Variants in ENTREP1 observed in about 807,000 individuals in gnomAD.
ENTREP1 encodes Friedreich ataxia region gene X123.
chr9:69,328,141 C>T, the ENTREP1 span, among the ~76,000 whole-genome samples: 2 of 152,144 alleles, frequency 1.3e-5, no homozygotes, highest in Admixed American at 6.5e-5. Context: ...ATCTGCACCC[C>T]CTTCCTGGGC....
the ENTREP1 span, among the ~76,000 whole-genome samples, chr9:69,363,439 A>T: frequency 6.6e-6 from 1 of 152,354 alleles, no homozygotes; most frequent in Admixed American, 6.5e-5. Flanking sequence ...GTATCAGTCA[A>T]GCTCCCAGCA....
chr9:69,364,794 C>T, the ENTREP1 span, among the ~76,000 whole-genome samples: 3 of 152,056 alleles, frequency 2.0e-5, no homozygotes, highest in South Asian at 4.2e-4. Flanking sequence ...AGTCATATGC[C>T]GGAATAAAGT....
At chr9:69,330,289 A>G in the ENTREP1 span, among the ~76,000 whole-genome samples, 1 of 152,206 alleles carries the variant, frequency 6.6e-6, no homozygotes, top group Non-Finnish European at 1.5e-5. Flanking sequence ...CTTCAGAAAC[A>G]AAATTCCTAC....
chr9:69,329,871 A>C, the ENTREP1 span, among the ~76,000 whole-genome samples: 1 of 150,808 alleles, frequency 6.6e-6, no homozygotes, highest in South Asian at 2.1e-4. Context: ...TATGGGAGTT[A>C]ACTAGGTTCC....
At chr9:69,391,250 ACCCGTC>A in the ENTREP1 span, among the ~76,000 whole-genome samples, 1 of 152,166 alleles carries the variant, frequency 6.6e-6, no homozygotes, top group Non-Finnish European at 1.5e-5. Context: ...TTCTGACAAT[ACCCGTC>A]CCTCCCTGAC....
chr9:69,360,756 C>G, the ENTREP1 span, among the ~76,000 whole-genome samples: 1 of 152,152 alleles, frequency 6.6e-6, no homozygotes, highest in Non-Finnish European at 1.5e-5. Flanking sequence ...CTTAACCTCT[C>G]TTGAGATGGA....
the ENTREP1 span, among the ~76,000 whole-genome samples, chr9:69,356,664 C>A: frequency 6.6e-6 from 1 of 152,180 alleles, no homozygotes; most frequent in Non-Finnish European, 1.5e-5. Flanking sequence ...TTGTTTACAA[C>A]GAACTTTCTG....
the ENTREP1 span, among the ~76,000 whole-genome samples, chr9:69,346,262 C>T: frequency 8.6e-5 from 13 of 151,964 alleles, no homozygotes; most frequent in Non-Finnish European, 1.6e-4. Flanking sequence ...GGATTACAGG[C>T]GTGAGCCACT....
chr9:69,389,072 G>T, the ENTREP1 span, among the ~76,000 whole-genome samples: 6 of 152,260 alleles, frequency 3.9e-5, no homozygotes, highest in East Asian at 1.2e-3. Flanking sequence ...GTTGGACTAG[G>T]TAGTCTCTCT....
At chr9:69,361,630 A>G in the ENTREP1 span, among the ~76,000 whole-genome samples, 1 of 152,212 alleles carries the variant, frequency 6.6e-6, no homozygotes, top group Non-Finnish European at 1.5e-5. Flanking sequence ...TGCAAAGGTC[A>G]TAGAGTGGTA....
At chr9:69,340,595 A>ATGCGTGTGTGTGTG in the ENTREP1 span, among the ~76,000 whole-genome samples, 1 of 145,702 alleles carries the variant, frequency 6.9e-6, no homozygotes, top group Non-Finnish European at 1.5e-5. Flanking sequence ...GTATGTGTGC[A>ATGCGTGTGTGTGTG]TGCATGTGTG....
the ENTREP1 span, among the ~76,000 whole-genome samples, chr9:69,331,760 T>C: frequency 1.8e-4 from 27 of 152,354 alleles, no homozygotes; most frequent in African/African-American, 5.3e-4. Flanking sequence ...TCATTGACTC[T>C]TGCCATAACT....
the ENTREP1 span, among the ~76,000 whole-genome samples, chr9:69,348,547 A>G: frequency 6.6e-6 from 1 of 152,230 alleles, no homozygotes; most frequent in South Asian, 2.1e-4. Context: ...CAATTATGGA[A>G]TATTTTCATC....
chr9:69,371,524 T>G, the ENTREP1 span: 7 of 1,613,844 alleles, frequency 4.3e-6, no homozygotes, highest in South Asian at 7.7e-5. Flanking sequence ...CTGCTCTCTG[T>G]GGTTTGTGTC....
At chr9:69,368,019 T>C in the ENTREP1 span, among the ~76,000 whole-genome samples, 2 of 148,058 alleles carry the variant, frequency 1.4e-5, no homozygotes, top group Non-Finnish European at 3.0e-5. Flanking sequence ...TGTATATAAA[T>C]GCTACTGATT....
chr9:69,337,160 G>A, the ENTREP1 span, among the ~76,000 whole-genome samples: 2 of 151,770 alleles, frequency 1.3e-5, no homozygotes, highest in Non-Finnish European at 2.9e-5. Flanking sequence ...GATTACAGGT[G>A]TGCACCAACA....
the ENTREP1 span, among the ~76,000 whole-genome samples, chr9:69,348,571 A>G: frequency 6.6e-6 from 1 of 152,232 alleles, no homozygotes; most frequent in Non-Finnish European, 1.5e-5. Context: ...CTCCAAAAAA[A>G]TCCTGTACCC....
the ENTREP1 span, among the ~76,000 whole-genome samples, chr9:69,374,023 A>G: frequency 6.6e-6 from 1 of 151,826 alleles, no homozygotes; most frequent in Admixed American, 6.6e-5. Flanking sequence ...GGCAGTCTCT[A>G]CTCTCTCATA....
chr9:69,344,105 A>G, the ENTREP1 span, among the ~76,000 whole-genome samples: 1 of 152,266 alleles, frequency 6.6e-6, no homozygotes, highest in Non-Finnish European at 1.5e-5. Context: ...TCTGAGCCCA[A>G]CAGACTACAG....
Sources: allele counts gnomAD v4.1 joint callset (sites outside exome capture counted in the v4.1 genomes callset), GRCh38; gene constraint gnomAD v4.1.1; transcripts MANE v1.5; gene names NCBI Gene and HGNC (gene_info 2026-07-23, HGNC 2026-07-21).